NBPF4: variants seen among roughly 807,000 people sequenced by gnomAD.
The protein encoded by NBPF4 is NBPF member 4, also known as NBPF family member NBPF4.
Under a neutral mutation model 21.1 loss-of-function variants are expected in NBPF4, and 11 were observed. The ratio of observed to expected loss-of-function variants is 0.52; its 90% CI spans 0.33 to 0.86. The LOEUF is 0.86. Ranked by LOEUF, NBPF4 falls within the 40% of genes least tolerant of loss-of-function variation. The pLI is 0.03. For synonymous variants in NBPF4, 47 were observed against 106.4 expected (o/e 0.44, Z 3.43); for missense variants, 88 against 265.3 (o/e 0.33, Z 4.64).
At position 108,244,010 on chromosome 1, in the gene NBPF4, C is replaced by CT; in HGVS notation, c.-148dup. 1 of 549,774 alleles carries CT rather than the reference C, an allele frequency of 1.8e-6. No homozygotes were observed. Among genetic ancestry groups the CT allele is most frequent in the Non-Finnish European group, 2.6e-6 (1 of 379,940 alleles). The allele number at this position is 549,774 out of a possible 1,614,324, so 34.1% of individuals were successfully genotyped here. On this transcript the variant is annotated 5_prime_UTR_variant, in exon 1 of 15. Transcript: ENST00000415641. ...GAAGGCACTGCCTGTAGCTCCGACT[C>CT]TGACAAGAGTGAGGGAGGTAGCAGC...
intron 14 of NBPF4, among the ~76,000 whole-genome samples, chr1:108,226,179 C>A (rs1021792420): frequency 2.0e-5 from 3 of 149,084 alleles, no homozygotes; most frequent in African/African-American, 7.5e-5. Context: ...AGTTTTAACA[C>A]TTCTCATTCA....
Position 108,223,627 on chromosome 1 carries a change from A to G in NBPF4, c.*78T>C. The stretch of plus-strand genomic sequence containing the variant: ...ATCCTCAGTGAAGGACCCCTGCAGT[A>G]TTGTGTTTGGACTTAAACTTGCTTT... On this transcript the variant is annotated 3_prime_UTR_variant, in exon 15 of 15. Transcript: ENST00000415641. The G allele has an allele frequency of 7.8e-7, 1 of 1,282,040 alleles. No individual in the cohort carries two copies. The highest frequency in any genetic ancestry group is 1.1e-6 in the Non-Finnish European group (1 of 896,522). The allele number at this position is 1,282,040 out of a possible 1,614,324, so 79.4% of individuals were successfully genotyped here. A position where few individuals can be genotyped will look rare whatever the true frequency, so the allele number is the denominator to read the frequency against.
the NBPF4 span, among the ~76,000 whole-genome samples, chr1:108,257,766 T>C: frequency 9.4e-6 from 1 of 106,936 alleles, no homozygotes; most frequent in Non-Finnish European, 1.9e-5. Context: ...TCTTTTCTTT[T>C]TTTTTTTTTT....
rs1409065099 is a variant in NBPF4, at chr1:108,223,587, T to G, written c.*118A>C. On this transcript the variant is annotated 3_prime_UTR_variant, in exon 15 of 15. Transcript: ENST00000415641. ...TGGCTTGAAGTCATCAAGAGTATTC[T>G]GTGTCTGAAATTCAATCCTCAGTGA... 1.2e-6 allele frequency: 1 copy of G among 865,650 alleles called. No homozygotes were observed. Among genetic ancestry groups the G allele is most frequent in the Non-Finnish European group, 1.8e-6 (1 of 544,984 alleles). The allele number at this position is 865,650 out of a possible 1,614,324, so 53.6% of individuals were successfully genotyped here. A position where few individuals can be genotyped will look rare whatever the true frequency, so the allele number is the denominator to read the frequency against.
the NBPF4 span, among the ~76,000 whole-genome samples, chr1:108,265,155 TAATATCCAG>T: frequency 2.0e-5 from 3 of 151,462 alleles, no homozygotes; most frequent in Non-Finnish European, 2.9e-5. Context: ...GACAAAGGGC[TAATATCCAG>T]AATCCACAAT....
At chr1:108,229,317 GC>G (rs1398333708) in intron 12 of NBPF4, among the ~76,000 whole-genome samples, 161 bp from the exon 13 acceptor site, 6 of 147,708 alleles carry the variant, frequency 4.1e-5, no homozygotes, top group Non-Finnish European at 7.5e-5. Flanking sequence ...CACCTCTCCT[GC>G]CTGTGCCTGG....
At chr1:108,246,506 A>T (rs1271075699), upstream of NBPF4, among the ~76,000 whole-genome samples, 1 of 118,808 alleles carries the variant, frequency 8.4e-6, no homozygotes, top group Non-Finnish European at 1.8e-5. Context: ...TGAGTTTCTG[A>T]AGTCGAAGCA....
rs1233340574 is a variant in NBPF4 at position 108,222,903 on chromosome 1, C to T, written c.*802G>A. On this transcript the variant is annotated 3_prime_UTR_variant, in exon 15 of 15. Coordinates refer to ENST00000415641, the MANE Select transcript of NBPF4 (RefSeq NM_001143989.3). ...CTTAACCAAGTGACCATCCTAGTAT[C>T]ACCGCACTGGGGATGGACACACTGG... Among the ~76,000 whole-genome samples, 3 of 152,150 alleles carry T rather than the reference C, an allele frequency of 2.0e-5. No individual in the cohort carries two copies. Among genetic ancestry groups the T allele is most frequent in the Non-Finnish European group, 4.4e-5 (3 of 68,024 alleles).
chr1:108,263,985 C>A, the NBPF4 span, among the ~76,000 whole-genome samples: 1 of 106,994 alleles, frequency 9.3e-6, no homozygotes, highest in Non-Finnish European at 1.8e-5. Context: ...AACAAGTCTG[C>A]AAAATTAACC....
At chr1:108,257,762 C>CTTTTTTTTTTTTTTTTTTTT in the NBPF4 span, among the ~76,000 whole-genome samples, 10 of 54,774 alleles carry the variant, frequency 1.8e-4, no homozygotes, top group Non-Finnish European at 2.9e-4. Context: ...CTTTTCTTTT[C>CTTTTTTTTTTTTTTTTTTTT]TTTTTTTTTT....
In NBPF4 at chr1:108,229,085, C is replaced by G. The variant is rs2260438; in HGVS notation, c.1495G>C (p.Val499Leu). 10 of 1,551,160 alleles carry G rather than the reference C, an allele frequency of 6.4e-6. No individual in the cohort carries two copies. Among genetic ancestry groups the G allele is most frequent in the Non-Finnish European group, 8.7e-6 (10 of 1,146,550 alleles). ...DLSHHQSEVQ[V>L]SQAQLEPSTL... ...CTTGGTTCCAGCTGTGCCTGTGAAA[C>G]TTGCACCTCTGACTGGTGGTGGCTC... Residue 499 changes from valine (V) to leucine (L), a missense_variant, in exon 13 of 15, where the codon GTT (valine) becomes CTT (leucine). Val to Leu is a conservative substitution (Grantham distance 32). Transcript: ENST00000415641.
the NBPF4 span, among the ~76,000 whole-genome samples, chr1:108,264,653 C>T: frequency 1.3e-5 from 1 of 77,620 alleles, no homozygotes; most frequent in East Asian, 3.6e-4. Context: ...AAACACTCCT[C>T]ATCAAATGCA....
At chr1:108,248,033 G>T (rs1649892382), upstream of NBPF4, among the ~76,000 whole-genome samples, 1 of 151,894 alleles carries the variant, frequency 6.6e-6, no homozygotes, top group African/African-American at 2.4e-5. Flanking sequence ...TGCTCAGGCT[G>T]GTCTTAAACT....
the NBPF4 span, among the ~76,000 whole-genome samples, chr1:108,259,963 C>T: frequency 7.6e-6 from 1 of 131,896 alleles, no homozygotes; most frequent in African/African-American, 3.1e-5. Context: ...TGTGCTAATC[C>T]CTCACCTCTC....
the NBPF4 span, among the ~76,000 whole-genome samples, chr1:108,259,867 C>A: frequency 6.7e-6 from 1 of 148,686 alleles, no homozygotes; most frequent in African/African-American, 2.5e-5. Flanking sequence ...TAGATAAAAT[C>A]TACAATGGTC....
chr1:108,244,946 A>C (rs1297708237), upstream of NBPF4, among the ~76,000 whole-genome samples: 2 of 38,534 alleles, frequency 5.2e-5, 1 homozygote, highest in South Asian at 2.8e-3. Context: ...ATATATATAT[A>C]TACACACACA....
At chr1:108,223,872 AG>A (rs1254851304) in intron 14 of NBPF4, 126 bp from the exon 15 acceptor site, 1 of 1,085,698 alleles carries the variant, frequency 9.2e-7, no homozygotes, top group African/African-American at 1.6e-5. Context: ...GATGAGCTGA[AG>A]GGTGAGTCCT....
chr1:108,246,205 G>A (rs1649844452), upstream of NBPF4, among the ~76,000 whole-genome samples: 1 of 121,288 alleles, frequency 8.2e-6, no homozygotes, highest in Non-Finnish European at 1.7e-5. Flanking sequence ...TGAGAGGCAT[G>A]CTTTCCACTG....
chr1:108,259,689 A>G, the NBPF4 span, among the ~76,000 whole-genome samples: 1 of 148,142 alleles, frequency 6.8e-6, no homozygotes, highest in Non-Finnish European at 1.5e-5. Context: ...CCTGGACAAC[A>G]CAGTGAGACC....
Sources: allele counts gnomAD v4.1 joint callset (sites outside exome capture counted in the v4.1 genomes callset), GRCh38; gene constraint gnomAD v4.1.1; transcripts MANE v1.5; gene names NCBI Gene and HGNC (gene_info 2026-07-23, HGNC 2026-07-21).